The following EEFSEC variants were observed in gnomAD, a reference collection of about 807,000 sequenced individuals.
The protein encoded by EEFSEC is selenocysteine-specific elongation factor.
EEFSEC carries 43 observed loss-of-function variants against 42.1 expected under a neutral mutation model. The ratio of observed to expected loss-of-function variants is 1.02; its 90% CI spans 0.80 to 1.32. The LOEUF (loss-of-function observed/expected upper bound fraction) is 1.32. Among genes scored for constraint, EEFSEC ranks in the 40% most tolerant of loss-of-function variants. The pLI, the probability that EEFSEC is intolerant of heterozygous loss-of-function variation, is 0.00. For synonymous variants in EEFSEC, 354 were observed against 339.1 expected (o/e 1.04, Z -0.48); for missense variants, 745 against 803.6 (o/e 0.93, Z 0.88).
chr3:128,384,319 C>G (rs181652936), intron 6 of EEFSEC, among the ~76,000 whole-genome samples: 13 of 152,244 alleles, frequency 8.5e-5, no homozygotes, highest in Admixed American at 8.5e-4. Context: ...TCGGGGTTTC[C>G]CCTGCAGCAG....
At chr3:128,207,225 C>G (rs565738528) in intron 1 of EEFSEC, among the ~76,000 whole-genome samples, 3 of 151,080 alleles carry the variant, frequency 2.0e-5, no homozygotes, top group African/African-American at 7.3e-5. Context: ...CTCTCTTCCT[C>G]CCTCCATCTC....
Position 128,250,911 on chromosome 3 carries a change from G to GT in EEFSEC, c.524+3886dup, listed in dbSNP as rs35594175. ...TTTAAGTCATCTTTAGTTTTTTTTG[G>GT]TTTTTTTTTTTTTTTTTTAGCAATG... is the stretch of plus-strand genomic sequence containing the variant. On this transcript the variant is annotated intron_variant, in intron 2 of 6. Transcript: ENST00000254730. 7.7e-3 allele frequency among the ~76,000 whole-genome samples: 832 copies of GT among 108,550 alleles called. 19 individuals carry two copies. The highest frequency in any genetic ancestry group is 0.02 in the Middle Eastern group (3 of 148). 71.2% of individuals were successfully genotyped at this position (108,550 alleles called of 152,430 possible).
rs145660398 is a variant in EEFSEC at position 128,260,564 on chromosome 3, C to T, written c.525-1564C>T. On this transcript the variant is annotated intron_variant, in intron 2 of 6. Coordinates refer to ENST00000254730, the MANE Select transcript of EEFSEC (RefSeq NM_021937.5). ...AATATAGCATTGTGAGTAGGGCCTT[C>T]CAGGGAGCCACCAGACTGGAAAATC... Among the ~76,000 whole-genome samples the T allele has an allele frequency of 1.2e-3, 176 of 152,268 alleles. 5 individuals carry two copies. The East Asian group carries it at 0.031, about 27-fold the overall frequency.
intron 1 of EEFSEC, among the ~76,000 whole-genome samples, chr3:128,194,903 TC>T (rs1160639194): frequency 2.0e-5 from 3 of 152,236 alleles, no homozygotes; most frequent in Non-Finnish European, 4.4e-5. Context: ...GAATTTTTTT[TC>T]CCCAAGGCTT....
chr3:128,221,382 C>G (rs754760920), intron 1 of EEFSEC, among the ~76,000 whole-genome samples: 63 of 152,178 alleles, frequency 4.1e-4, no homozygotes, highest in Non-Finnish European at 7.1e-4. Context: ...AGAAAAAAGA[C>G]AAGAAGTTGC....
At chr3:128,168,511 T>G (rs1157852612) in intron 1 of EEFSEC, among the ~76,000 whole-genome samples, 1 of 152,184 alleles carries the variant, frequency 6.6e-6, no homozygotes, top group Non-Finnish European at 1.5e-5. Flanking sequence ...AGGGTAGAGA[T>G]TTGCTCTGCT....
At chr3:128,288,738 T>A (rs1321301144) in intron 4 of EEFSEC, among the ~76,000 whole-genome samples, 1 of 152,268 alleles carries the variant, frequency 6.6e-6, no homozygotes, top group Non-Finnish European at 1.5e-5. Flanking sequence ...CCCATCACTG[T>A]AGTTTAAGTG....
At chr3:128,194,221 G>C (rs899093229) in intron 1 of EEFSEC, among the ~76,000 whole-genome samples, 1 of 152,222 alleles carries the variant, frequency 6.6e-6, no homozygotes, top group Non-Finnish European at 1.5e-5. Context: ...GCTGGGAGGT[G>C]TCTGAGCCTC....
chr3:128,313,359 T>G (rs1005884531), intron 4 of EEFSEC, among the ~76,000 whole-genome samples: 1 of 152,278 alleles, frequency 6.6e-6, no homozygotes, highest in Non-Finnish European at 1.5e-5. Context: ...GTTGCACTCA[T>G]GTTTCTGGTC....
intron 4 of EEFSEC, among the ~76,000 whole-genome samples, chr3:128,298,194 CTG>C (rs2066729782): frequency 6.6e-6 from 1 of 152,350 alleles, no homozygotes; most frequent in East Asian, 1.9e-4. Context: ...GACAGGGTCT[CTG>C]TCACTCATGC....
At chr3:128,406,922 C>T (rs1156246542) in intron 6 of EEFSEC, among the ~76,000 whole-genome samples, 1 of 151,774 alleles carries the variant, frequency 6.6e-6, no homozygotes, top group Non-Finnish European at 1.5e-5. Flanking sequence ...TGTCATTTGT[C>T]AATTTAAAAA....
intron 5 of EEFSEC, among the ~76,000 whole-genome samples, chr3:128,344,408 A>G (rs1436042982): frequency 6.6e-6 from 1 of 152,256 alleles, no homozygotes; most frequent in East Asian, 1.9e-4. Context: ...ATATATGCAC[A>G]TGGTAAAAAA....
chr3:128,353,519 T>C (rs898358148), intron 5 of EEFSEC, among the ~76,000 whole-genome samples: 3 of 152,246 alleles, frequency 2.0e-5, no homozygotes, highest in Admixed American at 2.0e-4. Context: ...GGGGATTGTC[T>C]TCTGCAATGA....
In EEFSEC at chr3:128,293,677, A is replaced by ACC. The variant is rs774179780; in HGVS notation, c.786+28896_786+28897insCC. Among the ~76,000 whole-genome samples, 11 of 148,876 alleles carry ACC rather than the reference A, an allele frequency of 7.4e-5. 1 individual carries two copies. Among genetic ancestry groups the ACC allele is most frequent in the Admixed American group, 5.3e-4 (8 of 14,968 alleles). The stretch of plus-strand genomic sequence containing the variant: ...CTCTATCTCAAAAAAAAAAAAAAAA[A>ACC]AAAAAAAAAACTTCCCTTATAGGAT... On this transcript the variant is annotated intron_variant, in intron 4 of 6. Coordinates refer to ENST00000254730, the MANE Select transcript of EEFSEC (RefSeq NM_021937.5).
At chr3:128,339,016 A>G (rs908783516) in intron 4 of EEFSEC, among the ~76,000 whole-genome samples, 1 of 152,198 alleles carries the variant, frequency 6.6e-6, no homozygotes, top group Non-Finnish European at 1.5e-5. Flanking sequence ...CCTGGGAGGG[A>G]AGAGTTGTGA....
At chr3:128,386,846 C>G (rs2067844996) in intron 6 of EEFSEC, among the ~76,000 whole-genome samples, 1 of 152,160 alleles carries the variant, frequency 6.6e-6, no homozygotes, top group Non-Finnish European at 1.5e-5. Flanking sequence ...GTGAGGGCAC[C>G]AAGCCACTCA....
At chr3:128,330,599 G>T (rs937999074) in intron 4 of EEFSEC, among the ~76,000 whole-genome samples, 2 of 152,084 alleles carry the variant, frequency 1.3e-5, no homozygotes, top group Non-Finnish European at 2.9e-5. Context: ...GCGCCACAGG[G>T]GTGAGGAGAG....
At chr3:128,246,710 T>C (rs1347637568) in intron 1 of EEFSEC, 126 bp from the exon 2 acceptor site, 2 of 984,164 alleles carry the variant, frequency 2.0e-6, no homozygotes, top group Non-Finnish European at 3.1e-6. Flanking sequence ...AGCCAGAAGC[T>C]GTGTAGTCAC....
intron 4 of EEFSEC, among the ~76,000 whole-genome samples, chr3:128,266,718 C>T (rs1216848096): frequency 6.6e-6 from 1 of 151,476 alleles, no homozygotes; most frequent in South Asian, 2.1e-4. Flanking sequence ...GAGTCACAGT[C>T]CCCTCCTTTA....
Sources: gnomAD v4.1 joint callset for allele counts (sites outside exome capture counted in the v4.1 genomes callset) on GRCh38, gnomAD v4.1.1 for gene constraint, MANE v1.5 for transcripts, NCBI Gene and HGNC (gene_info 2026-07-23, HGNC 2026-07-21) for gene names.